Variants in BMPR1B observed in about 807,000 individuals in gnomAD.
BMPR1B encodes the protein bone morphogenetic protein receptor type-1B.
BMPR1B carries 12 observed loss-of-function variants against 59.1 expected under a neutral mutation model. The ratio of observed to expected loss-of-function variants is 0.20; its 90% CI spans 0.13 to 0.33. BMPR1B has a LOEUF of 0.33. BMPR1B is among the 10% of genes least tolerant of loss of function. BMPR1B has a pLI of 1.00. For missense variants in BMPR1B, 550 were observed against 610.9 expected, an observed-to-expected ratio of 0.90 and a Z score of 1.05; for synonymous variants, 237 against 207.3, an observed-to-expected ratio of 1.14 and a Z score of -1.23.
intron 1 of BMPR1B, among the ~76,000 whole-genome samples, chr4:94,837,674 T>C (rs1249430047): frequency 3.8e-5 from 5 of 133,022 alleles, no homozygotes; most frequent in Admixed American, 7.3e-5. Context: ...ACAGTGGGGT[T>C]TTCTAGATAT....
At chr4:94,834,942 G>GT (rs750650049) in intron 1 of BMPR1B, among the ~76,000 whole-genome samples, 2,483 of 136,936 alleles carry the variant, frequency 0.018, 57 homozygotes, top group African/African-American at 0.058. Context: ...GTGTTTCTTT[G>GT]TTTTTTTTTT....
intron 6 of BMPR1B, among the ~76,000 whole-genome samples, chr4:95,119,267 C>A (rs564119584): frequency 3.3e-5 from 5 of 152,080 alleles, no homozygotes; most frequent in Admixed American, 2.6e-4. Flanking sequence ...AGTTTCCAGT[C>A]GCAGTCTTAA....
intron 1 of BMPR1B, among the ~76,000 whole-genome samples, chr4:94,846,921 A>G (rs1252219412): frequency 6.6e-6 from 1 of 152,192 alleles, no homozygotes; most frequent in African/African-American, 2.4e-5. Flanking sequence ...CTCCACAGGC[A>G]CAGGCAACCA....
At chr4:94,868,918 A>T (rs926461378) in intron 1 of BMPR1B, among the ~76,000 whole-genome samples, 1 of 152,132 alleles carries the variant, frequency 6.6e-6, no homozygotes, top group South Asian at 2.1e-4. Context: ...AGTTTCTTCT[A>T]TGGCACTGCT....
rs548956012 is a variant in BMPR1B, at chr4:95,155,475, C to CTTTTTTTT, written c.*827_*834dup. 4.0e-4 allele frequency: 26 copies of CTTTTTTTT among 64,312 alleles called. 1 individual carries two copies. The highest frequency in any genetic ancestry group is 4.7e-4 in the African/African-American group (7 of 14,844). The allele number at this position is 64,312 out of a possible 1,614,324, so 4.0% of individuals were successfully genotyped here. On this transcript the variant is annotated 3_prime_UTR_variant, in exon 13 of 13. Transcript: ENST00000515059. The stretch of plus-strand genomic sequence containing the variant: ...CCCTTTTCATTAAACACAAAGAAAG[C>CTTTTTTTT]TTTTTTTTTTTTTTTTTTTTTTTTT...
At chr4:94,917,919 C>T (rs974115611) in intron 2 of BMPR1B, among the ~76,000 whole-genome samples, 7 of 152,084 alleles carry the variant, frequency 4.6e-5, no homozygotes, top group Admixed American at 3.9e-4. Flanking sequence ...ATGCTGTCTT[C>T]CTGATAGTGA....
intron 2 of BMPR1B, among the ~76,000 whole-genome samples, chr4:94,992,624 C>G (rs922579452): frequency 1.7e-4 from 26 of 152,216 alleles, no homozygotes; most frequent in Non-Finnish European, 1.3e-4. Flanking sequence ...TACTTCTACT[C>G]CCTCTAGACC....
intron 3 of BMPR1B, among the ~76,000 whole-genome samples, chr4:95,016,839 A>G (rs551161739): frequency 5.3e-5 from 8 of 152,300 alleles, no homozygotes; most frequent in African/African-American, 1.9e-4. Flanking sequence ...CCCACAATAT[A>G]TGTAACTATA....
At chr4:95,147,903 G>A (rs1200991432) in intron 10 of BMPR1B, among the ~76,000 whole-genome samples, 1 of 152,132 alleles carries the variant, frequency 6.6e-6, no homozygotes, top group Non-Finnish European at 1.5e-5. Flanking sequence ...TGAAGCAATG[G>A]TTCCCAAGTG....
At chr4:94,758,604 T>C (rs1344777137) in intron 1 of BMPR1B, among the ~76,000 whole-genome samples, 1 of 151,936 alleles carries the variant, frequency 6.6e-6, no homozygotes, top group African/African-American at 2.4e-5. Flanking sequence ...GACCCAGCCT[T>C]GCCGTGGGGG....
chr4:94,882,412 G>A (rs1727008263), intron 2 of BMPR1B, among the ~76,000 whole-genome samples: 1 of 152,202 alleles, frequency 6.6e-6, no homozygotes, highest in Non-Finnish European at 1.5e-5. Context: ...TGGGGAACAG[G>A]AGTAGAAATA....
intron 1 of BMPR1B, among the ~76,000 whole-genome samples, chr4:94,782,138 A>C (rs918179411): frequency 1.3e-5 from 2 of 151,030 alleles, no homozygotes; most frequent in African/African-American, 4.9e-5. Flanking sequence ...ATATGTGCTT[A>C]ATGGTGTCCT....
chr4:94,804,092 A>T (rs998099219), intron 1 of BMPR1B, among the ~76,000 whole-genome samples: 7 of 152,080 alleles, frequency 4.6e-5, no homozygotes, highest in Non-Finnish European at 1.0e-4. Flanking sequence ...GTTAGCCAGG[A>T]TGGTCTCAAT....
chr4:94,908,505 T>G (rs766075363), intron 2 of BMPR1B, among the ~76,000 whole-genome samples: 3 of 152,022 alleles, frequency 2.0e-5, no homozygotes, highest in Non-Finnish European at 2.9e-5. Flanking sequence ...GTAGAGCTTC[T>G]TAAGGTTTTA....
intron 3 of BMPR1B, among the ~76,000 whole-genome samples, chr4:95,059,398 C>T (rs911059814): frequency 1.3e-5 from 2 of 152,082 alleles, no homozygotes; most frequent in African/African-American, 4.8e-5. Flanking sequence ...TACTTAATTT[C>T]CTGTGCCCCG....
chr4:95,051,574 A>G, intron 3 of BMPR1B: 1 of 813,756 alleles, frequency 1.2e-6, no homozygotes, highest in Non-Finnish European at 2.0e-6. Context: ...GTCCTGTCTC[A>G]GGGTTGCTGG....
rs373361964 is a variant in BMPR1B at position 95,130,071 on chromosome 4, A to G, written c.778+17A>G. 54 of 1,611,360 alleles carry G rather than the reference A, an allele frequency of 3.4e-5. No individual in the cohort carries two copies. The Middle Eastern group carries it at 6.6e-4, about 20-fold the overall frequency. On this transcript the variant is annotated intron_variant, in intron 9 of 12. Transcript: ENST00000515059. ...ACATTTTGGGTGAGTAAAAGTCTGC[A>G]TAGCTATGTTCAGGGTTTCCTAGCT...
At chr4:95,116,048 T>C (rs1579103778) in intron 6 of BMPR1B, among the ~76,000 whole-genome samples, 1 of 152,178 alleles carries the variant, frequency 6.6e-6, no homozygotes, top group East Asian at 1.9e-4. Flanking sequence ...GTTTGTAGTG[T>C]ATTTCAGGGT....
At chr4:95,089,493 T>G (rs1729827632) in intron 3 of BMPR1B, among the ~76,000 whole-genome samples, 1 of 152,078 alleles carries the variant, frequency 6.6e-6, no homozygotes, top group African/African-American at 2.4e-5. Context: ...ACAGGTAAAA[T>G]TAACAAGGCT....
Sources: allele counts gnomAD v4.1 joint callset (sites outside exome capture counted in the v4.1 genomes callset), GRCh38; gene constraint gnomAD v4.1.1; transcripts MANE v1.5; gene names NCBI Gene and HGNC (gene_info 2026-07-23, HGNC 2026-07-21).